The following ADARB2 variants were observed in gnomAD, a reference collection of about 807,000 sequenced individuals.
ADARB2 encodes adenosine deaminase RNA specific B2 (inactive), also known as inactive double-stranded RNA-specific editase B2.
Under a neutral mutation model 62.2 loss-of-function variants are expected in ADARB2, and 25 were observed. The observed-to-expected ratio is 0.40, with a 90% CI of 0.29 to 0.56. The LOEUF (loss-of-function observed/expected upper bound fraction) is 0.56, where lower values mean the gene tolerates loss of function less well. Among genes scored for constraint, ADARB2 ranks in the 20% least tolerant of loss-of-function variants. The pLI, the probability that ADARB2 is intolerant of heterozygous loss-of-function variation, is 0.43. For missense variants in ADARB2, 1,071 were observed against 1,077.4 expected, an observed-to-expected ratio of 0.99 and a Z score of 0.08; for synonymous variants, 572 against 500.8, an observed-to-expected ratio of 1.14 and a Z score of -1.90.
chr10:1,444,433 CCCAT>C (rs1482971264), intron 1 of ADARB2, among the ~76,000 whole-genome samples: 4 of 150,658 alleles, frequency 2.7e-5, no homozygotes, highest in Admixed American at 2.6e-4. Flanking sequence ...CATCCACCCA[CCCAT>C]CCATCCATTG....
At chr10:1,374,603 G>GTCTGCCCTCCC (rs1455290441) in intron 2 of ADARB2, among the ~76,000 whole-genome samples, 1 of 152,188 alleles carries the variant, frequency 6.6e-6, no homozygotes, top group African/African-American at 2.4e-5. Flanking sequence ...GGCCGGGTGG[G>GTCTGCCCTCCC]TCTGCCCTCC....
intron 1 of ADARB2, among the ~76,000 whole-genome samples, chr10:1,488,899 G>A (rs979899521): frequency 6.6e-6 from 1 of 152,226 alleles, no homozygotes; most frequent in African/African-American, 2.4e-5. Context: ...GATGAGATGG[G>A]AACACATTCC....
At chr10:1,513,393 G>T (rs968857298) in intron 1 of ADARB2, among the ~76,000 whole-genome samples, 1 of 152,178 alleles carries the variant, frequency 6.6e-6, no homozygotes, top group East Asian at 1.9e-4. Flanking sequence ...AGCCGGCAGC[G>T]CCCTGCAGCC....
intron 1 of ADARB2, among the ~76,000 whole-genome samples, chr10:1,547,267 C>T (rs1381373647): frequency 9.1e-6 from 1 of 110,060 alleles, no homozygotes; most frequent in African/African-American, 3.7e-5. Flanking sequence ...CTGGCGTATG[C>T]ACTGTGGGGA....
intron 4 of ADARB2, among the ~76,000 whole-genome samples, chr10:1,269,775 C>G (rs1831242407): frequency 6.6e-6 from 1 of 152,182 alleles, no homozygotes; most frequent in Non-Finnish European, 1.5e-5. Context: ...TATGGCGGTG[C>G]CCAATTGATG....
At chr10:1,384,632 G>C (rs1012071683) in intron 1 of ADARB2, among the ~76,000 whole-genome samples, 1 of 152,188 alleles carries the variant, frequency 6.6e-6, no homozygotes, top group Non-Finnish European at 1.5e-5. Flanking sequence ...GCATGAGAGT[G>C]CACCCCACAG....
Position 1,656,995 on chromosome 10 carries a change from A to T in ADARB2, c.100+80056T>A, listed in dbSNP as rs112444059. ...CTTCCTAAAGCAGTGGTACCCATCT[A>T]GTGTTTTGTGTGTGTGTGTGTGTGT... On this transcript the variant is annotated intron_variant, in intron 1 of 9. Coordinates refer to ENST00000381312, the MANE Select transcript of ADARB2 (RefSeq NM_018702.4). Among the ~76,000 whole-genome samples, 578 of 79,380 alleles carry T rather than the reference A, an allele frequency of 7.3e-3. 5 individuals are homozygous for T. Among genetic ancestry groups the T allele is most frequent in the African/African-American group, 0.024 (563 of 23,114 alleles). 52.1% of individuals were successfully genotyped at this position (79,380 alleles called of 152,430 possible). A position where few individuals can be genotyped will look rare whatever the true frequency, so the allele number is the denominator to read the frequency against.
Position 1,514,887 on chromosome 10 carries a change from G to A in ADARB2, c.101-135727C>T, listed in dbSNP as rs191018261. On this transcript the variant is annotated intron_variant, in intron 1 of 9. Transcript: ENST00000381312. Reference sequence around the variant, plus strand: ...ATGGAGTGGAGCCCTCTGTGCTCACGGCAAGACCAGCAGTGGAGCGTAGGG... The same window carrying A: ...ATGGAGTGGAGCCCTCTGTGCTCACAGCAAGACCAGCAGTGGAGCGTAGGG... Among the ~76,000 whole-genome samples, 686 of 152,138 alleles carry A rather than the reference G, an allele frequency of 4.5e-3. 6 individuals are homozygous for A. The highest frequency in any genetic ancestry group is 0.016 in the African/African-American group (658 of 41,502).
chr10:1,451,532 A>T (rs987757347), intron 1 of ADARB2, among the ~76,000 whole-genome samples: 4 of 149,884 alleles, frequency 2.7e-5, no homozygotes, highest in African/African-American at 1.0e-4. Context: ...TGAGGAGGGG[A>T]CACACCTGTT....
chr10:1,588,517 G>A (rs1016293838), intron 1 of ADARB2, among the ~76,000 whole-genome samples: 2 of 152,218 alleles, frequency 1.3e-5, no homozygotes, highest in Non-Finnish European at 2.9e-5. Context: ...GCTGTTGGGA[G>A]GATTTGCTGG....
chr10:1,674,253 T>C (rs1413909755), intron 1 of ADARB2, among the ~76,000 whole-genome samples: 2 of 152,208 alleles, frequency 1.3e-5, no homozygotes, highest in Non-Finnish European at 2.9e-5. Context: ...GTGAGAAAAT[T>C]GGCAACTGTG....
chr10:1,603,845 C>A (rs112934951), intron 1 of ADARB2, among the ~76,000 whole-genome samples: 1,543 of 152,032 alleles, frequency 0.01, 8 homozygotes, highest in Middle Eastern at 0.017. Flanking sequence ...ACTCTGTCTC[C>A]AGGCTGTAAT....
chr10:1,651,325 G>C (rs1246850096), intron 1 of ADARB2, among the ~76,000 whole-genome samples: 1 of 152,256 alleles, frequency 6.6e-6, no homozygotes, highest in Admixed American at 6.5e-5. Flanking sequence ...CCCCATCTGG[G>C]CAAGGTCTCC....
chr10:1,542,987 C>T (rs1832459389), intron 1 of ADARB2, among the ~76,000 whole-genome samples: 1 of 152,278 alleles, frequency 6.6e-6, no homozygotes, highest in Non-Finnish European at 1.5e-5. Context: ...GTCCGTCCGC[C>T]CGAGCAGATT....
At chr10:1,332,484 T>TTTG (rs199612524) in intron 3 of ADARB2, among the ~76,000 whole-genome samples, 3,471 of 148,838 alleles carry the variant, frequency 0.023, 93 homozygotes, top group East Asian at 0.11. Flanking sequence ...CAGTTTTGTT[T>TTTG]TTTTTTTTTT....
chr10:1,676,844 A>T lies in ADARB2; in HGVS notation c.100+60207T>A, dbSNP rs552117682. On this transcript the variant is annotated intron_variant, in intron 1 of 9. Transcript: ENST00000381312. ...GTGAAGTGATGGTCACAGGGGAAGC[A>T]TGAAGAGGATGGAGAGAAGGTGGGT... 2.1e-3 allele frequency among the ~76,000 whole-genome samples: 321 copies of T among 152,176 alleles called. 1 individual carries two copies. The highest frequency in any genetic ancestry group is 3.9e-3 in the Non-Finnish European group (262 of 67,978).
chr10:1,313,109 G>A (rs1831707059), intron 3 of ADARB2, among the ~76,000 whole-genome samples: 1 of 152,192 alleles, frequency 6.6e-6, no homozygotes, highest in African/African-American at 2.4e-5. Context: ...TGAAGGCCTG[G>A]TGAGAGCCAG....
chr10:1,521,862 G>T (rs1047267999), intron 1 of ADARB2, among the ~76,000 whole-genome samples: 1 of 122,372 alleles, frequency 8.2e-6, no homozygotes, highest in African/African-American at 3.1e-5. Flanking sequence ...AAATGTATTT[G>T]ATTGAAGTCT....
chr10:1,557,880 G>GTTGCGATGAGCTGAGA (rs535813631), intron 1 of ADARB2, among the ~76,000 whole-genome samples: 1 of 151,846 alleles, frequency 6.6e-6, no homozygotes, highest in African/African-American at 2.4e-5. Flanking sequence ...GTGAGCTGAG[G>GTTGCGATGAGCTGAGA]TTGCGCCACT....
Sources: allele counts gnomAD v4.1 joint callset (sites outside exome capture counted in the v4.1 genomes callset), GRCh38; gene constraint gnomAD v4.1.1; transcripts MANE v1.5; gene names NCBI Gene and HGNC (gene_info 2026-07-23, HGNC 2026-07-21).